ABCC10: variants seen among roughly 807,000 people sequenced by gnomAD.
The protein encoded by ABCC10 is ATP binding cassette subfamily C member 10.
ABCC10 carries 110 observed loss-of-function variants against 143.2 expected under a neutral mutation model. The observed-to-expected ratio is 0.77, with a 90% CI of 0.66 to 0.90. The LOEUF (loss-of-function observed/expected upper bound fraction) is 0.90, where lower values mean the gene tolerates loss of function less well. Among genes scored for constraint, ABCC10 ranks in the 40% least tolerant of loss-of-function variants. The pLI, the probability that ABCC10 is intolerant of heterozygous loss-of-function variation, is 0.00. For missense variants in ABCC10, 1,700 were observed against 1,900.5 expected (o/e 0.89, Z 1.96); for synonymous variants, 805 against 846.7 (o/e 0.95, Z 0.85).
In ABCC10 at chr6:43,437,946, G is replaced by C. The variant is rs758378679; in HGVS notation, c.1888G>C (p.Gly630Arg). The change falls in exon 7 of 22, where the codon GGC (glycine) becomes CGC (arginine). Residue 630 changes from glycine (G) to arginine (R), a missense_variant. By Grantham distance (125) the Gly-to-Arg change is moderately radical (BLOSUM62 -2). Transcript: ENST00000372530. ...GGCTTCCTTGCAGGGTATGCTGGTGGGCATCGTGGGGAAGGTCGGCTGTGG... is the reference window on the plus strand; with the variant it reads ...GGCTTCCTTGCAGGGTATGCTGGTGCGCATCGTGGGGAAGGTCGGCTGTGG... ...HLEVKKGMLV[G>R]IVGKVGCGKS... is the part of the protein sequence containing the mutation. The C allele has an allele frequency of 2.5e-5, 41 of 1,612,852 alleles. No homozygotes were observed. The East Asian group carries it at 3.3e-4, about 13-fold the overall frequency.
rs976800584 is a variant in ABCC10, at chr6:43,439,463, C to T, written c.2127+668C>T. The stretch of plus-strand genomic sequence containing the variant: ...TGTCCCCCAGGCTGGAATGCAGTGG[C>T]GCCATCTTGGCTCACTGCAGCCTCT... On this transcript the variant is annotated intron_variant, in intron 8 of 21. Transcript: ENST00000372530. 4.0e-5 allele frequency among the ~76,000 whole-genome samples: 6 copies of T among 151,352 alleles called. No homozygotes were observed. In the South Asian group the frequency reaches 6.2e-4, roughly 16 times the overall value.
chr6:43,446,141 C>T, intron 15 of ABCC10, 136 bp from the exon 16 acceptor site: 1 of 1,199,674 alleles, frequency 8.3e-7, no homozygotes, highest in Non-Finnish European at 1.2e-6. Context: ...ATCTGCAGCC[C>T]TGAGGGAGGC....
In ABCC10 at chr6:43,444,151, T is replaced by C. The variant is rs1289269870; in HGVS notation, c.2495-8T>C. The C allele has an allele frequency of 6.2e-7, 1 of 1,611,374 alleles. No individual in the cohort carries two copies. Among genetic ancestry groups the C allele is most frequent in the East Asian group, 2.2e-5 (1 of 44,836 alleles). Reference sequence around the variant, plus strand: ...GCTTAATTCTTCCATGACCCCTGATTCTCACAGCCACAGCCCAGTCAGTAC... The same window carrying C: ...GCTTAATTCTTCCATGACCCCTGATCCTCACAGCCACAGCCCAGTCAGTAC... On this transcript the variant is annotated splice_polypyrimidine_tract_variant and splice_region_variant and intron_variant, in intron 11 of 21. Transcript: ENST00000372530.
At chr6:43,437,838 T>C in intron 6 of ABCC10, 96 bp from the exon 7 acceptor site, 1 of 1,195,126 alleles carries the variant, frequency 8.4e-7, no homozygotes, top group Non-Finnish European at 1.2e-6. Flanking sequence ...GAAGCCTCAG[T>C]GGGAGGACTG....
In ABCC10 at chr6:43,447,100, C is replaced by A. The variant is rs879063346; in HGVS notation, c.3545-148C>A. 32 of 1,089,214 alleles carry A rather than the reference C, an allele frequency of 2.9e-5. No individual in the cohort carries two copies. In the South Asian group the frequency reaches 4.8e-4, roughly 16 times the overall value. 67.5% of individuals were successfully genotyped at this position (1,089,214 alleles called of 1,614,324 possible). On this transcript the variant is annotated intron_variant, in intron 16 of 21. Coordinates refer to ENST00000372530, the MANE Select transcript of ABCC10 (RefSeq NM_001198934.2). ...TGACCTCGTGATCCACCTGCCTTGG[C>A]CTCCCAAAGTGCTGGAATTACAGGC...
Position 43,445,185 on chromosome 6 carries a change from C to G in ABCC10, c.2901C>G (p.Tyr967Ter), listed in dbSNP as rs746420505. ...APNGSSDIRF[Y>*]LTVYATIAGV... is the part of the protein sequence containing the mutation. ...ATGGCTCCTCAGACATCCGTTTCTA[C>G]CTCACCGTGTATGCGACCATTGCTG... is the stretch of plus-strand genomic sequence containing the variant. The change falls in exon 14 of 22, where the codon TAC becomes TAG. Residue 967 changes from tyrosine to a stop codon, truncating the protein, a stop_gained. Transcript: ENST00000372530. LOFTEE classifies it high-confidence loss of function. 1.9e-6 allele frequency: 3 copies of G among 1,614,140 alleles called. No individual in the cohort carries two copies. Among genetic ancestry groups the G allele is most frequent in the Non-Finnish European group, 2.5e-6 (3 of 1,179,986 alleles).
chr6:43,449,510 A>C lies in ABCC10; in HGVS notation c.4292A>C (p.Lys1431Thr). The C allele has an allele frequency of 3.7e-6, 6 of 1,614,014 alleles. No homozygotes were observed. The highest frequency in any genetic ancestry group is 5.1e-6 in the Non-Finnish European group (6 of 1,179,946). The change falls in exon 21 of 22, where the codon AAG becomes ACG. Residue 1431 changes from lysine (K) to threonine (T), a missense_variant. By Grantham distance (78) the Lys-to-Thr change is moderately conservative (BLOSUM62 -1). Transcript: ENST00000372530. ...ACCATCTGCAAACGCTTTGCCAACAAGACAGTGCTGACCATTGCCCATAGG... is the reference window on the plus strand; with the variant it reads ...ACCATCTGCAAACGCTTTGCCAACACGACAGTGCTGACCATTGCCCATAGG... ...QQTICKRFAN[K>T]TVLTIAHRLN... is the part of the protein sequence containing the mutation.
chr6:43,438,368 C>G, intron 7 of ABCC10: 1 of 1,417,344 alleles, frequency 7.1e-7, no homozygotes, highest in Non-Finnish European at 9.2e-7. Context: ...TGGCCATACT[C>G]TCCACTGAGC....
At position 43,443,810 on chromosome 6, in the gene ABCC10, C is replaced by A; in HGVS notation, c.2417-123C>A. On this transcript the variant is annotated intron_variant, in intron 10 of 21. Transcript: ENST00000372530. The surrounding 1 kb of genome is among the most constrained non-coding windows in gnomAD (Gnocchi z 4.2). ...AGTCCTGCTCGAGGTCTAGGGGTAT[C>A]CTGCTAGGGTGGGTTAGACGGGGAG... 1 of 988,990 alleles carries A rather than the reference C, an allele frequency of 1.0e-6. No individual in the cohort carries two copies. The highest frequency in any genetic ancestry group is 1.6e-6 in the Non-Finnish European group (1 of 624,168). 61.3% of individuals were successfully genotyped at this position (988,990 alleles called of 1,614,324 possible). A position where few individuals can be genotyped will look rare whatever the true frequency, so the allele number is the denominator to read the frequency against.
intron 6 of ABCC10, among the ~76,000 whole-genome samples, chr6:43,437,184 TA>T (rs1781815374): frequency 6.6e-6 from 1 of 152,058 alleles, no homozygotes. Context: ...AAGATGTGAC[TA>T]CAGAGAATGC....
At position 43,448,880 on chromosome 6, in the gene ABCC10, G is replaced by A. The variant is rs775764425; in HGVS notation, c.3960-1G>A. ...CTAGACTCCATGTCATTGTCCCCCA[G>A]ATCCCAGTTGGCTATCATCCCCCAG... On this transcript the variant is annotated splice_acceptor_variant, in intron 18 of 21. Transcript: ENST00000372530. LOFTEE classifies it high-confidence loss of function. 1.2e-6 allele frequency: 2 copies of A among 1,609,652 alleles called. No individual in the cohort carries two copies. The highest frequency in any genetic ancestry group is 3.4e-5 in the Admixed American group (2 of 58,980).
At chr6:43,432,010 T>G (rs1326356232) in intron 2 of ABCC10, 132 bp from the exon 3 acceptor site, 3 of 1,459,552 alleles carry the variant, frequency 2.1e-6, no homozygotes. Flanking sequence ...TGAGGTAAAG[T>G]GGAGTAGGGA....
intron 17 of ABCC10, 66 bp from the exon 18 acceptor site, chr6:43,447,618 C>T (rs1783245515): frequency 6.3e-7 from 1 of 1,596,580 alleles, no homozygotes; most frequent in Non-Finnish European, 8.5e-7. Flanking sequence ...CTCCCCTCCT[C>T]ACCATCGCTC....
At chr6:43,450,454 C>T, downstream of ABCC10, 1 of 1,454,978 alleles carries the variant, frequency 6.9e-7, no homozygotes, top group Non-Finnish European at 9.2e-7. The surrounding 1 kb of genome is among the most constrained non-coding windows in gnomAD (Gnocchi z 4.5). Context: ...GTGTGTGTAC[C>T]CAAGCTGAAG....
chr6:43,440,130 T>C (rs1782218370), intron 8 of ABCC10, among the ~76,000 whole-genome samples: 1 of 151,888 alleles, frequency 6.6e-6, no homozygotes, highest in African/African-American at 2.4e-5. Context: ...CTAATTTTTG[T>C]ATTTTTAGTA....
chr6:43,430,194 G>T (rs1013414455), intron 2 of ABCC10, among the ~76,000 whole-genome samples: 1 of 151,830 alleles, frequency 6.6e-6, no homozygotes, highest in Non-Finnish European at 1.5e-5. Context: ...GGGTTCAAGC[G>T]ATTCTCCTGC....
Position 43,447,247 on chromosome 6 carries a change from G to A in ABCC10, c.3545-1G>A, listed in dbSNP as rs756552295. 24 of 1,612,928 alleles carry A rather than the reference G, an allele frequency of 1.5e-5. No individual in the cohort carries two copies. Among genetic ancestry groups the A allele is most frequent in the Non-Finnish European group, 2.0e-5 (24 of 1,179,726 alleles). ...CAGCAGCTGGTACTTCTCTCCCCCA[G>A]GGCTGGTGGGCTTGTCGCTGTCTTA... On this transcript the variant is annotated splice_acceptor_variant, in intron 16 of 21. Coordinates refer to ENST00000372530, the MANE Select transcript of ABCC10 (RefSeq NM_001198934.2). LOFTEE classifies it high-confidence loss of function.
intron 8 of ABCC10, among the ~76,000 whole-genome samples, chr6:43,439,426 G>A (rs1782094668): frequency 6.7e-6 from 1 of 148,926 alleles, no homozygotes; most frequent in African/African-American, 2.5e-5. Flanking sequence ...TTTTGAGACA[G>A]GGTCTTTTTT....
chr6:43,432,242 G>A lies in ABCC10; in HGVS notation c.262G>A (p.Ala88Thr), dbSNP rs1383281039. The A allele has an allele frequency of 1.2e-6, 2 of 1,614,140 alleles. No individual in the cohort carries two copies. Among genetic ancestry groups the A allele is most frequent in the African/African-American group, 2.7e-5 (2 of 74,952 alleles). The part of the protein sequence containing the change: ...VFPLLDLLPV[A>T]LPPGAGPGPI... ...CCCGCTGCTAGACCTTCTTCCAGTT[G>A]CTTTGCCACCAGGGGCAGGCCCAGG... Residue 88 changes from alanine (A) to threonine (T), a missense_variant, in exon 3 of 22, where the codon GCT becomes ACT. Ala to Thr is a moderately conservative substitution (Grantham distance 58). Transcript: ENST00000372530.
Sources: allele counts gnomAD v4.1 joint callset (sites outside exome capture counted in the v4.1 genomes callset), GRCh38; gene constraint gnomAD v4.1.1; non-coding constraint Gnocchi (gnomAD v3.1); transcripts MANE v1.5; gene names NCBI Gene and HGNC (gene_info 2026-07-23, HGNC 2026-07-21).